The following PPP4R2 variants were observed in gnomAD, a reference collection of about 807,000 sequenced individuals.
The protein encoded by PPP4R2 is protein phosphatase 4 regulatory subunit 2, also known as serine/threonine-protein phosphatase 4 regulatory subunit 2.
PPP4R2 carries 13 observed loss-of-function variants against 47.2 expected under a neutral mutation model. That is an observed-to-expected ratio of 0.28 (90% CI 0.18 to 0.44). The LOEUF (loss-of-function observed/expected upper bound fraction) is 0.44. PPP4R2 is among the 20% of genes least tolerant of loss of function. The probability of loss-of-function intolerance (pLI) is 1.00; values close to 1 mark genes in which losing one functional copy is unlikely to be tolerated. For missense variants in PPP4R2, 421 were observed against 491.2 expected (o/e 0.86, Z 1.35); for synonymous variants, 151 against 163.3 (o/e 0.92, Z 0.57).
intron 3 of PPP4R2, among the ~76,000 whole-genome samples, chr3:73,051,049 C>G (rs11128307): frequency 0.53 from 80,205 of 151,954 alleles, 21,524 homozygotes; most frequent in African/African-American, 0.62. Flanking sequence ...CGAGTAGCCG[C>G]GTTTACTGGC....
intron 2 of PPP4R2, among the ~76,000 whole-genome samples, chr3:73,009,137 G>A (rs746135864): frequency 1.3e-4 from 20 of 152,176 alleles, no homozygotes; most frequent in Non-Finnish European, 2.5e-4. Context: ...CTAAATGAGA[G>A]GCTTGTAATA....
chr3:73,020,672 T>TAAAAAAAAAA lies in PPP4R2; in HGVS notation c.116+22524_116+22533dup, dbSNP rs1553646728. On this transcript the variant is annotated intron_variant, in intron 2 of 8. Coordinates refer to ENST00000356692, the MANE Select transcript of PPP4R2 (RefSeq NM_174907.4). Reference sequence around the variant, plus strand: ...GCCACAGAGTGAGACCCTGTCTCTTTAAAAAAAAAAAAAAAAAAAGTTAAA... The same window carrying TAAAAAAAAAA: ...GCCACAGAGTGAGACCCTGTCTCTTTAAAAAAAAAAAAAAAAAAAAAAAAAAAAAGTTAAA... 2.2e-3 allele frequency among the ~76,000 whole-genome samples: 299 copies of TAAAAAAAAAA among 133,194 alleles called. 4 individuals are homozygous for TAAAAAAAAAA. The highest frequency in any genetic ancestry group is 8.4e-3 in the African/African-American group (287 of 34,236). 87.4% of individuals were successfully genotyped at this position (133,194 alleles called of 152,430 possible). A position where few individuals can be genotyped will look rare whatever the true frequency, so the allele number is the denominator to read the frequency against.
intron 3 of PPP4R2, among the ~76,000 whole-genome samples, chr3:73,058,728 G>A (rs569867512): frequency 6.6e-6 from 1 of 151,698 alleles, no homozygotes; most frequent in African/African-American, 2.4e-5. Flanking sequence ...AACCTGTTGT[G>A]CTATCAAATA....
At chr3:73,007,343 A>C (rs1326773667) in intron 2 of PPP4R2, among the ~76,000 whole-genome samples, 1 of 152,222 alleles carries the variant, frequency 6.6e-6, no homozygotes, top group Non-Finnish European at 1.5e-5. Flanking sequence ...AGAAAATAAA[A>C]GGTGGTTTAA....
chr3:73,006,994 A>G (rs915531321), intron 2 of PPP4R2, among the ~76,000 whole-genome samples: 3 of 152,152 alleles, frequency 2.0e-5, no homozygotes, highest in African/African-American at 7.2e-5. Context: ...AATATGGTCC[A>G]CTGGTTTTTG....
In PPP4R2 at chr3:73,065,216, G is replaced by C; in HGVS notation, c.928+75G>C. ...CTTGTACTTCATTTTTTTCGTGAAA[G>C]AATTTTACGTAATGGAACTCCTTAT... On this transcript the variant is annotated intron_variant, in intron 8 of 8. Coordinates refer to ENST00000356692, the MANE Select transcript of PPP4R2 (RefSeq NM_174907.4). 6 of 1,428,948 alleles carry C rather than the reference G, an allele frequency of 4.2e-6. No homozygotes were observed. The South Asian group carries it at 8.8e-5, about 21-fold the overall frequency. 88.5% of individuals were successfully genotyped at this position (1,428,948 alleles called of 1,614,324 possible).
chr3:73,047,122 T>C, intron 2 of PPP4R2, 64 bp from the exon 3 acceptor site: 2 of 881,206 alleles, frequency 2.3e-6, no homozygotes, highest in African/African-American at 3.4e-5. Context: ...TTTATATTTG[T>C]GTTTTGTGTT....
At chr3:73,018,424 T>TTATGA (rs1701887136) in intron 2 of PPP4R2, among the ~76,000 whole-genome samples, 1 of 85,272 alleles carries the variant, frequency 1.2e-5, no homozygotes, top group East Asian at 2.7e-4. Flanking sequence ...TTATGTTATG[T>TTATGA]TATGTTATGT....
At position 73,016,813 on chromosome 3, in the gene PPP4R2, CT is replaced by C. The variant is rs1207946652; in HGVS notation, c.116+18677del. ...AACTGGCTTTACTGGTTCATTGTTT[CT>C]TTTTTTTTTTTTTTTTTTTTTAAAT... On this transcript the variant is annotated intron_variant, in intron 2 of 8. Coordinates refer to ENST00000356692, the MANE Select transcript of PPP4R2 (RefSeq NM_174907.4). Among the ~76,000 whole-genome samples, 61 of 72,900 alleles carry C rather than the reference CT, an allele frequency of 8.4e-4. 1 individual carries two copies. The highest frequency in any genetic ancestry group is 1.4e-3 in the African/African-American group (24 of 17,036). The allele number at this position is 72,900 out of a possible 152,430, so 47.8% of individuals were successfully genotyped here.
rs149971519 is a variant in PPP4R2 at position 73,065,539 on chromosome 3, T to C, written c.1071T>C (p.Asp357=). 1.3e-4 allele frequency: 203 copies of C among 1,612,466 alleles called. No homozygotes were observed. In the African/African-American group the frequency reaches 2.4e-3, roughly 19 times the overall value. ...CTGATGTGTCTCAAGCTGAGAAAGA[T>C]TTGCTACATTCTGAAGGTAGTGAAA... The part of the protein sequence containing the change: ...EESDVSQAEK[D]LLHSEGSENE... The change falls in exon 9 of 9, where the codon GAT becomes GAC. Residue 357 remains aspartate (D), a synonymous_variant. Coordinates refer to ENST00000356692, the MANE Select transcript of PPP4R2 (RefSeq NM_174907.4).
chr3:73,031,104 T>C (rs185351542), intron 2 of PPP4R2, among the ~76,000 whole-genome samples: 8 of 152,294 alleles, frequency 5.3e-5, no homozygotes, highest in Admixed American at 5.2e-4. Context: ...TAGGAAATCC[T>C]GGTGGAGTCA....
chr3:72,997,966 T>G, intron 1 of PPP4R2, 111 bp from the exon 2 acceptor site: 1 of 778,336 alleles, frequency 1.3e-6, no homozygotes, highest in Non-Finnish European at 2.2e-6. Flanking sequence ...GCCTTATTTT[T>G]TTAATTTTGT....
intron 2 of PPP4R2, among the ~76,000 whole-genome samples, chr3:73,036,753 T>A (rs1186417665): frequency 6.6e-6 from 1 of 152,198 alleles, no homozygotes; most frequent in East Asian, 1.9e-4. Context: ...ACTTACGTGA[T>A]TGGCATTTTT....
At chr3:73,041,204 C>G (rs1702372839) in intron 2 of PPP4R2, among the ~76,000 whole-genome samples, 1 of 152,196 alleles carries the variant, frequency 6.6e-6, no homozygotes, top group African/African-American at 2.4e-5. Flanking sequence ...TCTCCGCTCT[C>G]TTCTGTTCCA....
At chr3:73,059,328 G>A (rs1261665309) in intron 4 of PPP4R2, among the ~76,000 whole-genome samples, 198 bp downstream of exon 4, 1 of 152,166 alleles carries the variant, frequency 6.6e-6, no homozygotes, top group East Asian at 1.9e-4. Flanking sequence ...AGGAGGGTTT[G>A]TGTGTTGGTC....
At position 73,067,878 on chromosome 3, in the gene PPP4R2, A is replaced by C. The variant is rs985240712; in HGVS notation, c.*2156A>C. 2 of 152,212 alleles carry C rather than the reference A, an allele frequency of 1.3e-5. No individual in the cohort carries two copies. The highest frequency in any genetic ancestry group is 2.9e-5 in the Non-Finnish European group (2 of 68,014). The allele number at this position is 152,212 out of a possible 1,614,324, so 9.4% of individuals were successfully genotyped here. ...ATGGTGAATGTACCAAAATGACATCACTTAACTCTATGAGAGATCTGCATT... is the reference window on the plus strand; with the variant it reads ...ATGGTGAATGTACCAAAATGACATCCCTTAACTCTATGAGAGATCTGCATT... On this transcript the variant is annotated 3_prime_UTR_variant, in exon 9 of 9. Coordinates refer to ENST00000356692, the MANE Select transcript of PPP4R2 (RefSeq NM_174907.4).
At chr3:73,039,099 T>C (rs1702324994) in intron 2 of PPP4R2, among the ~76,000 whole-genome samples, 1 of 152,180 alleles carries the variant, frequency 6.6e-6, no homozygotes, top group African/African-American at 2.4e-5. Flanking sequence ...GAGAAATATT[T>C]TAGTGTCATT....
intron 2 of PPP4R2, among the ~76,000 whole-genome samples, chr3:73,028,479 A>G (rs1014299309): frequency 6.6e-6 from 1 of 151,942 alleles, no homozygotes; most frequent in East Asian, 1.9e-4. Context: ...TGTTTTTGAG[A>G]TGGAGTCTCG....
At chr3:73,040,654 A>C (rs1047278763) in intron 2 of PPP4R2, among the ~76,000 whole-genome samples, 1 of 152,072 alleles carries the variant, frequency 6.6e-6, no homozygotes, top group Non-Finnish European at 1.5e-5. Context: ...CTGGAATTAT[A>C]GGCGCTCACC....
Sources: allele counts gnomAD v4.1 joint callset (sites outside exome capture counted in the v4.1 genomes callset), GRCh38; gene constraint gnomAD v4.1.1; transcripts MANE v1.5; gene names NCBI Gene and HGNC (gene_info 2026-07-23, HGNC 2026-07-21).